CCDC57: variants seen among roughly 807,000 people sequenced by gnomAD.
CCDC57 encodes coiled-coil domain containing 57.
Under a neutral mutation model 118.9 loss-of-function variants are expected in CCDC57, and 118 were observed. The observed-to-expected ratio is 0.99, with a 90% confidence interval of 0.86 to 1.16. CCDC57 has a LOEUF of 1.16. Ranked by LOEUF, CCDC57 falls within the 50% of genes most tolerant of loss-of-function variation. The probability of loss-of-function intolerance (pLI) is 0.00; values close to 1 mark genes in which losing one functional copy is unlikely to be tolerated. For synonymous variants in CCDC57, 527 were observed against 532.9 expected (o/e 0.99, Z 0.15); for missense variants, 1,300 against 1,320.7 (o/e 0.98, Z 0.24).
intron 13 of CCDC57, 162 bp from the exon 13 acceptor site, chr17:82,163,519 C>T (rs959028079): frequency 9.9e-6 from 7 of 708,494 alleles, no homozygotes; most frequent in African/African-American, 3.6e-5. Context: ...CAGATCTGGT[C>T]CACGTGAAGA....
At chr17:82,165,833 C>G (rs1410161338) in intron 13 of CCDC57, among the ~76,000 whole-genome samples, 1 of 152,212 alleles carries the variant, frequency 6.6e-6, no homozygotes, top group Admixed American at 6.5e-5. Context: ...ATAGCATCAT[C>G]AAGGCTCTGG....
chr17:82,210,497 C>A (rs2050092703), intron 1 of CCDC57, among the ~76,000 whole-genome samples: 1 of 148,688 alleles, frequency 6.7e-6, no homozygotes, highest in African/African-American at 2.5e-5. Flanking sequence ...CATGGTGAAA[C>A]CCCGTCTCTA....
At chr17:82,145,769 C>G (rs1174695811) in intron 16 of CCDC57, 1 of 461,312 alleles carries the variant, frequency 2.2e-6, no homozygotes, top group Admixed American at 2.4e-5. Context: ...TGGGGCTGTT[C>G]TCACTCCCCG....
rs571286782 is a variant in CCDC57, at chr17:82,118,623, G to A, written c.2899+9069C>T. On this transcript the variant is annotated intron_variant, in intron 19 of 19. Coordinates refer to ENST00000665763, the Ensembl canonical transcript of CCDC57. The surrounding 1 kb of genome is among the most constrained non-coding windows in gnomAD (Gnocchi z 4.7). The stretch of plus-strand genomic sequence containing the variant: ...GGAGGCAGGCCTGCTGCAGGGGGTC[G>A]GCTTCAGAAGCAGGTATTTCTTTGG... Among the ~76,000 whole-genome samples, 2 of 152,122 alleles carry A rather than the reference G, an allele frequency of 1.3e-5. No individual in the cohort carries two copies. Among genetic ancestry groups the A allele is most frequent in the East Asian group, 1.9e-4 (1 of 5,160 alleles).
At chr17:82,199,761 G>A (rs1221413439) in intron 3 of CCDC57, among the ~76,000 whole-genome samples, 1 of 152,112 alleles carries the variant, frequency 6.6e-6, no homozygotes, top group African/African-American at 2.4e-5. Flanking sequence ...CTGGGGACGG[G>A]AGCTTCCAGA....
intron 19 of CCDC57, among the ~76,000 whole-genome samples, chr17:82,120,650 C>T (rs186504525): frequency 4.6e-5 from 7 of 152,356 alleles, no homozygotes; most frequent in African/African-American, 1.4e-4. Context: ...CAAGATACTT[C>T]GCAGATCATT....
At chr17:82,134,117 G>C in exon 17 of CCDC57, 1 of 1,416,968 alleles carries the variant, frequency 7.1e-7, no homozygotes, top group Non-Finnish European at 9.2e-7. Context: ...GGTGGGCTGC[G>C]ATCCAAAGGC....
At chr17:82,206,140 C>G (rs977535903) in intron 2 of CCDC57, among the ~76,000 whole-genome samples, 2 of 152,250 alleles carry the variant, frequency 1.3e-5, no homozygotes, top group Non-Finnish European at 2.9e-5. Flanking sequence ...TGCGTTCACC[C>G]TCTTTCAGGA....
intron 1 of CCDC57, among the ~76,000 whole-genome samples, chr17:82,211,179 G>A (rs1285972956): frequency 6.6e-6 from 1 of 152,140 alleles, no homozygotes. Context: ...CCAACAGCCA[G>A]GGGCATCCTG....
chr17:82,198,678 A>C (rs1391062802), intron 3 of CCDC57, among the ~76,000 whole-genome samples: 1 of 152,048 alleles, frequency 6.6e-6, no homozygotes, highest in African/African-American at 2.4e-5. Flanking sequence ...AATTAAAAAA[A>C]AAACCTGACA....
intron 19 of CCDC57, chr17:82,113,227 G>T (rs2035421165): frequency 3.3e-6 from 2 of 605,892 alleles, no homozygotes; most frequent in Admixed American, 2.9e-5. Context: ...TGAAGGCGGG[G>T]GGCTGGGGTT....
At chr17:82,151,815 C>T (rs982957810) in intron 15 of CCDC57, 42 bp from the exon 15 acceptor site, 2 of 1,520,258 alleles carry the variant, frequency 1.3e-6, no homozygotes, top group Non-Finnish European at 1.8e-6. Context: ...TGAGGCTGCC[C>T]TCATGGGAGG....
chr17:82,167,164 G>C (rs866645010), intron 13 of CCDC57, among the ~76,000 whole-genome samples: 2 of 151,972 alleles, frequency 1.3e-5, no homozygotes, highest in African/African-American at 4.8e-5. Context: ...AAGACCAAAC[G>C]TTTGTGTCCT....
At chr17:82,201,491 G>T (rs2048988146) in intron 3 of CCDC57, 47 bp downstream of exon 2, 2 of 1,500,922 alleles carry the variant, frequency 1.3e-6, no homozygotes, top group East Asian at 2.4e-5. Flanking sequence ...GCATGTGGGG[G>T]CCTCTGCCAG....
chr17:82,193,619 T>G, intron 7 of CCDC57, 137 bp downstream of exon 6: 1 of 653,706 alleles, frequency 1.5e-6, no homozygotes, highest in Non-Finnish European at 2.6e-6. Context: ...GAGAAAGAAA[T>G]CCAAAACAGC....
intron 19 of CCDC57, chr17:82,127,252 G>C (rs1169043449): frequency 2.0e-5 from 20 of 985,182 alleles, no homozygotes; most frequent in Non-Finnish European, 2.4e-5. Flanking sequence ...ACTGGGGTCG[G>C]CCTGGCTCTT....
At chr17:82,199,921 G>A (rs4356529) in intron 3 of CCDC57, among the ~76,000 whole-genome samples, 71,137 of 152,050 alleles carry the variant, frequency 0.47, 17,424 homozygotes, top group East Asian at 0.88. Context: ...TATCCACGCC[G>A]CGAGATGCGA....
chr17:82,188,087 C>A, intron 8 of CCDC57, 132 bp downstream of exon 7: 5 of 595,336 alleles, frequency 8.4e-6, no homozygotes, highest in African/African-American at 2.0e-5. Context: ...AGAAAAGTGA[C>A]TGAGAGCTAC....
chr17:82,171,246 C>G (rs1402251034), intron 13 of CCDC57, among the ~76,000 whole-genome samples: 2 of 132,020 alleles, frequency 1.5e-5, no homozygotes, highest in African/African-American at 5.8e-5. Flanking sequence ...CCGGAGGGAG[C>G]GCGAGGAATT....
Sources: allele counts gnomAD v4.1 joint callset (sites outside exome capture counted in the v4.1 genomes callset), GRCh38; gene constraint gnomAD v4.1.1; non-coding constraint Gnocchi (gnomAD v3.1); transcripts MANE v1.5; gene names NCBI Gene and HGNC (gene_info 2026-07-23, HGNC 2026-07-21).